Variants in NLRP2 observed in about 807,000 individuals in gnomAD.
NLRP2 encodes the protein NLR family pyrin domain containing 2.
A neutral mutation model predicts 97.2 loss-of-function variants in NLRP2; 107 were observed. That is an observed-to-expected ratio of 1.10 (90% CI 0.94 to 1.29). The LOEUF is 1.29. NLRP2 is among the 50% of genes most tolerant of loss of function. NLRP2 has a pLI of 0.00. For synonymous variants in NLRP2, 663 were observed against 551.5 expected, an observed-to-expected ratio of 1.20 and a Z score of -2.83; for missense variants, 1,495 against 1,330.3, an observed-to-expected ratio of 1.12 and a Z score of -1.93.
At chr19:54,997,625 G>A in intron 12 of NLRP2, 138 bp downstream of exon 12, 1 of 914,576 alleles carries the variant, frequency 1.1e-6, no homozygotes, top group South Asian at 1.4e-5. Flanking sequence ...GCCAATTTCT[G>A]TATTTCACTT....
intron 10 of NLRP2, among the ~76,000 whole-genome samples, chr19:54,992,575 T>TTTTTTTTTTTTTTTTTTTG (rs2072560076): frequency 1.3e-4 from 6 of 45,846 alleles, no homozygotes; most frequent in African/African-American, 5.0e-4. Context: ...TTTTTTTTGG[T>TTTTTTTTTTTTTTTTTTTG]TTTTTTTTTT....
intron 10 of NLRP2, 129 bp from the exon 11 acceptor site, chr19:54,994,140 C>A: frequency 1.0e-6 from 1 of 1,000,574 alleles, no homozygotes; most frequent in Non-Finnish European, 1.6e-6. Flanking sequence ...CCACACCACC[C>A]CATGATTCCA....
chr19:54,968,898 T>TA (rs2070662049), intron 1 of NLRP2, among the ~76,000 whole-genome samples: 1 of 151,726 alleles, frequency 6.6e-6, no homozygotes, highest in Non-Finnish European at 1.5e-5. Flanking sequence ...AGACGGGGTT[T>TA]CACTGTGTTA....
intron 2 of NLRP2, among the ~76,000 whole-genome samples, chr19:54,972,763 C>T (rs1218747156): frequency 6.6e-6 from 1 of 152,100 alleles, no homozygotes; most frequent in African/African-American, 2.4e-5. Flanking sequence ...CTGGCCAGTG[C>T]AGCTTTATTT....
chr19:54,981,787 G>A (rs1463540639), intron 5 of NLRP2, 105 bp downstream of exon 5: 1 of 801,462 alleles, frequency 1.2e-6, no homozygotes, highest in Non-Finnish European at 2.2e-6. Context: ...ATTTATGTAT[G>A]TATGTATCGA....
intron 4 of NLRP2, among the ~76,000 whole-genome samples, chr19:54,979,828 G>A (rs1210089982): frequency 2.0e-5 from 3 of 152,114 alleles, no homozygotes; most frequent in African/African-American, 7.2e-5. Context: ...CCAGACTGGA[G>A]TGCAGTGGTG....
chr19:54,996,997 T>A (rs2072863744), intron 11 of NLRP2, among the ~76,000 whole-genome samples: 1 of 152,060 alleles, frequency 6.6e-6, no homozygotes, highest in Admixed American at 6.6e-5. Context: ...AACCTCCGCC[T>A]CCTGGGTTCA....
In NLRP2 at chr19:54,997,487, G is replaced by A; in HGVS notation, c.3050G>A (p.Arg1017Lys). The A allele has an allele frequency of 6.2e-7, 1 of 1,614,148 alleles. No homozygotes were observed. Among genetic ancestry groups the A allele is most frequent in the Non-Finnish European group, 8.5e-7 (1 of 1,180,014 alleles). The change falls in exon 12 of 13, where the codon AGG (arginine) becomes AAG (lysine). Residue 1017 changes from arginine (R) to lysine (K), a missense_variant and splice_region_variant. Transcript: ENST00000448584. ...TCCAGTGGCACCCTCCGGACACTCA[G>A]GTATGATCCATTTACTTCCCCATCA... ...TCSSGTLRTL[R>K]LKIDDFNDEL...
chr19:54,967,133 C>T (rs2070500556), intron 1 of NLRP2, among the ~76,000 whole-genome samples: 1 of 152,004 alleles, frequency 6.6e-6, no homozygotes, highest in African/African-American at 2.4e-5. Context: ...TCCCAAAATT[C>T]TGGGATTATA....
chr19:54,974,018 G>C, intron 2 of NLRP2: 1 of 1,274,758 alleles, frequency 7.8e-7, no homozygotes, highest in Non-Finnish European at 1.1e-6. Flanking sequence ...GCTAAGGCTT[G>C]AGTGCCTTGA....
At chr19:54,975,884 G>A (rs923758788) in intron 3 of NLRP2, among the ~76,000 whole-genome samples, 1 of 152,064 alleles carries the variant, frequency 6.6e-6, no homozygotes, top group Non-Finnish European at 1.5e-5. Context: ...CTGAGTAGCT[G>A]GGACTACAGG....
intron 2 of NLRP2, chr19:54,974,057 T>C (rs1328747217): frequency 9.1e-7 from 1 of 1,094,430 alleles, no homozygotes. Flanking sequence ...GAATGCTGGC[T>C]ATTAAAAGAT....
intron 8 of NLRP2, among the ~76,000 whole-genome samples, chr19:54,988,121 G>C (rs1426241782): frequency 6.6e-6 from 1 of 152,114 alleles, no homozygotes; most frequent in East Asian, 1.9e-4. Flanking sequence ...AGTTGAATAG[G>C]ATGCTGTACA....
intron 4 of NLRP2, 108 bp from the exon 5 acceptor site, chr19:54,981,509 G>GGCCCCCCCCCCCC: frequency 7.8e-6 from 3 of 386,502 alleles, no homozygotes; most frequent in South Asian, 2.1e-5. Flanking sequence ...CTGATCCCGT[G>GGCCCCCCCCCCCC]CCCCCCCTCC....
Position 54,994,758 on chromosome 19 carries a change from C to G in NLRP2, c.2879+319C>G, listed in dbSNP as rs528503845. 8.6e-5 allele frequency among the ~76,000 whole-genome samples: 13 copies of G among 151,606 alleles called. No individual in the cohort carries two copies. The East Asian group carries it at 2.4e-3, about 28-fold the overall frequency. On this transcript the variant is annotated intron_variant, in intron 11 of 12. Coordinates refer to ENST00000448584, the MANE Select transcript of NLRP2 (RefSeq NM_017852.5). ...CCCGAGTAGCTGGGATTACAGGCGCCCGCCACCATGCCCAGCTAATTCTTG... is the reference window on the plus strand; with the variant it reads ...CCCGAGTAGCTGGGATTACAGGCGCGCGCCACCATGCCCAGCTAATTCTTG...
At chr19:54,972,182 C>G (rs2070903740) in intron 2 of NLRP2, among the ~76,000 whole-genome samples, 2 of 146,182 alleles carry the variant, frequency 1.4e-5, no homozygotes, top group African/African-American at 5.1e-5. Flanking sequence ...TACCCCATAA[C>G]TTTTTTTTTT....
At chr19:54,975,042 C>T (rs2071109431) in intron 3 of NLRP2, among the ~76,000 whole-genome samples, 1 of 149,424 alleles carries the variant, frequency 6.7e-6, no homozygotes, top group South Asian at 2.1e-4. Context: ...CTCAAGTGAT[C>T]TGCCCACCTC....
At chr19:54,984,839 CTA>C (rs2071942872) in intron 6 of NLRP2, among the ~76,000 whole-genome samples, 1 of 152,090 alleles carries the variant, frequency 6.6e-6, no homozygotes, top group Admixed American at 6.6e-5. Context: ...TTTTTACCCT[CTA>C]TTGGATTTTT....
chr19:54,967,402 A>T (rs1273048303), intron 1 of NLRP2, among the ~76,000 whole-genome samples: 1 of 136,226 alleles, frequency 7.3e-6, no homozygotes, highest in Non-Finnish European at 1.6e-5. Flanking sequence ...GAATCACTTG[A>T]ACCCGGGAAG....
Sources: allele counts gnomAD v4.1 joint callset (sites outside exome capture counted in the v4.1 genomes callset), GRCh38; gene constraint gnomAD v4.1.1; transcripts MANE v1.5; gene names NCBI Gene and HGNC (gene_info 2026-07-23, HGNC 2026-07-21).